The following RTN4 variants were observed in gnomAD, a reference collection of about 807,000 sequenced individuals.
RTN4 encodes the protein reticulon-4.
Under a neutral mutation model 90.4 loss-of-function variants are expected in RTN4, and 32 were observed. The ratio of observed to expected loss-of-function variants is 0.35; its 90% CI spans 0.27 to 0.48. RTN4 has a LOEUF of 0.48. Among genes scored for constraint, RTN4 ranks in the 20% least tolerant of loss-of-function variants. RTN4 has a pLI of 0.99. For synonymous variants in RTN4, 629 were observed against 552.5 expected, an observed-to-expected ratio of 1.14 and a Z score of -1.94; for missense variants, 1,706 against 1,430.2, an observed-to-expected ratio of 1.19 and a Z score of -3.11.
chr2:55,069,760 A>G (rs952858144), intron 2 of RTN4, among the ~76,000 whole-genome samples: 1 of 152,168 alleles, frequency 6.6e-6, no homozygotes, highest in African/African-American at 2.4e-5. Context: ...CCATCACCCA[A>G]TGTCCACGAA....
chr2:54,974,550 G>T, intron 6 of RTN4, 145 bp downstream of exon 6: 1 of 665,246 alleles, frequency 1.5e-6, no homozygotes. Context: ...CAAAGTGCTG[G>T]GATTACAGGC....
At chr2:55,100,647 A>G (rs1254692244) in intron 1 of RTN4, among the ~76,000 whole-genome samples, 1 of 152,062 alleles carries the variant, frequency 6.6e-6, no homozygotes, top group Non-Finnish European at 1.5e-5. Context: ...ACAGTCTCTA[A>G]AGTAGTTAAA....
chr2:55,036,566 C>T (rs1388838512), intron 1 of RTN4, among the ~76,000 whole-genome samples: 1 of 128,850 alleles, frequency 7.8e-6, no homozygotes, highest in African/African-American at 3.0e-5. Flanking sequence ...CGTGCCACTG[C>T]ACTCCAGCCC....
At chr2:54,974,132 TC>T in intron 6 of RTN4, 1 of 386,524 alleles carries the variant, frequency 2.6e-6, no homozygotes, top group Non-Finnish European at 4.7e-6. Flanking sequence ...AATAAAGGTA[TC>T]CCTGGTTAGA....
At chr2:54,978,772 T>A (rs1677876796) in intron 5 of RTN4, among the ~76,000 whole-genome samples, 1 of 152,144 alleles carries the variant, frequency 6.6e-6, no homozygotes, top group Non-Finnish European at 1.5e-5. Context: ...CATTGTTATT[T>A]AAATAAGAAA....
In RTN4 at chr2:55,027,366, A is replaced by G; in HGVS notation, c.733T>C (p.Ser245Pro). The stretch of plus-strand genomic sequence containing the variant: ...CCAAGGTATTCATGTTCTTTGAAAG[A>G]AGCGGCTGAGAGAGGAGACAGAGAA... ...LPSLSPLSAA[S>P]FKEHEYLGNL... is the part of the protein sequence containing the mutation. The change falls in exon 3 of 9, where the codon TCT becomes CCT. Residue 245 changes from serine to proline, a missense_variant. Coordinates refer to ENST00000337526, the MANE Select transcript of RTN4 (RefSeq NM_020532.5). 6.2e-7 allele frequency: 1 copy of G among 1,613,664 alleles called. No individual in the cohort carries two copies. Among genetic ancestry groups the G allele is most frequent in the Non-Finnish European group, 8.5e-7 (1 of 1,179,766 alleles).
At chr2:55,033,830 C>G (rs970721092) in intron 1 of RTN4, among the ~76,000 whole-genome samples, 1 of 152,110 alleles carries the variant, frequency 6.6e-6, no homozygotes, top group South Asian at 2.1e-4. Context: ...ATGATCAAGT[C>G]AGAGTGACTG....
the RTN4 span, among the ~76,000 whole-genome samples, chr2:55,135,995 G>A: frequency 0.093 from 14,222 of 152,126 alleles, 768 homozygotes; most frequent in East Asian, 0.22. Flanking sequence ...GGCAGGAGAG[G>A]GCCCCCACCT....
chr2:55,005,531 A>C (rs1008238652), intron 3 of RTN4, among the ~76,000 whole-genome samples: 18 of 152,210 alleles, frequency 1.2e-4, no homozygotes, highest in African/African-American at 3.9e-4. Flanking sequence ...AATTTGTACA[A>C]TCTTTCTGGA....
upstream of RTN4, among the ~76,000 whole-genome samples, chr2:55,052,824 G>T (rs974744759): frequency 6.6e-6 from 1 of 152,128 alleles, no homozygotes; most frequent in African/African-American, 2.4e-5. Context: ...TTCCCCGCAT[G>T]CTTTTCCCAC....
At chr2:55,004,951 C>T (rs758545393) in intron 3 of RTN4, among the ~76,000 whole-genome samples, 10 of 152,006 alleles carry the variant, frequency 6.6e-5, no homozygotes, top group Admixed American at 3.3e-4. Context: ...CAAGGAGAAC[C>T]GGGCCTTTGA....
At chr2:55,001,821 C>T (rs1338370885) in intron 3 of RTN4, among the ~76,000 whole-genome samples, 2 of 152,146 alleles carry the variant, frequency 1.3e-5, no homozygotes, top group African/African-American at 2.4e-5. Context: ...ATATGACCCA[C>T]TGTGAAATTC....
At chr2:55,009,378 T>A (rs1290579125) in intron 3 of RTN4, among the ~76,000 whole-genome samples, 1 of 152,134 alleles carries the variant, frequency 6.6e-6, no homozygotes, top group Admixed American at 6.6e-5. Context: ...AATATTCTAG[T>A]CAACATTTTA....
chr2:55,023,509 C>T (rs1681599918), intron 3 of RTN4, among the ~76,000 whole-genome samples: 1 of 152,068 alleles, frequency 6.6e-6, no homozygotes, highest in South Asian at 2.1e-4. Context: ...CCTTTCCACT[C>T]ACTACAATCA....
chr2:55,059,901 C>T (rs1029087419), intron 2 of RTN4, among the ~76,000 whole-genome samples: 1 of 152,048 alleles, frequency 6.6e-6, no homozygotes, highest in African/African-American at 2.4e-5. Flanking sequence ...TGGTCTCTAA[C>T]TCCTGGGTTC....
At chr2:55,021,393 C>T (rs924472181) in intron 3 of RTN4, among the ~76,000 whole-genome samples, 1 of 142,388 alleles carries the variant, frequency 7.0e-6, no homozygotes, top group African/African-American at 2.5e-5. Context: ...TTTTCCCTGC[C>T]CCCCCCGCCA....
intron 3 of RTN4, among the ~76,000 whole-genome samples, chr2:55,018,104 G>C (rs538186055): frequency 1.3e-5 from 2 of 152,296 alleles, no homozygotes; most frequent in African/African-American, 4.8e-5. Flanking sequence ...AGGTATCCTT[G>C]AAAAAGTTAC....
At chr2:55,020,887 C>T (rs1681377701) in intron 3 of RTN4, among the ~76,000 whole-genome samples, 1 of 151,944 alleles carries the variant, frequency 6.6e-6, no homozygotes, top group Admixed American at 6.6e-5. Context: ...CCTTTGGTCC[C>T]AGCTACTTGG....
At chr2:55,021,393 C>A (rs924472181) in intron 3 of RTN4, among the ~76,000 whole-genome samples, 35 of 142,492 alleles carry the variant, frequency 2.5e-4, no homozygotes, top group Non-Finnish European at 2.7e-4. Flanking sequence ...TTTTCCCTGC[C>A]CCCCCCGCCA....
Sources: allele counts gnomAD v4.1 joint callset (sites outside exome capture counted in the v4.1 genomes callset), GRCh38; gene constraint gnomAD v4.1.1; transcripts MANE v1.5; gene names NCBI Gene and HGNC (gene_info 2026-07-23, HGNC 2026-07-21).